The following LRRC56 variants were observed in gnomAD, a reference collection of about 807,000 sequenced individuals.
LRRC56 encodes the protein leucine-rich repeat-containing protein 56.
A neutral mutation model predicts 47.8 loss-of-function variants in LRRC56; 41 were observed. The observed-to-expected ratio is 0.86, with a 90% CI of 0.67 to 1.11. The LOEUF (loss-of-function observed/expected upper bound fraction) is 1.11, where lower values mean the gene tolerates loss of function less well. Ranked by LOEUF, LRRC56 falls within the 50% of genes most tolerant of loss-of-function variation. LRRC56 has a pLI of 0.00. For synonymous variants in LRRC56, 387 were observed against 311.2 expected, an observed-to-expected ratio of 1.24 and a Z score of -2.56; for missense variants, 759 against 704.2, an observed-to-expected ratio of 1.08 and a Z score of -0.88.
chr11:518,976 CGCGGCGCGCTTACGAGGGCGCGCGAG>C, the LRRC56 span, among the ~76,000 whole-genome samples: 3 of 152,020 alleles, frequency 2.0e-5, no homozygotes, highest in African/African-American at 7.2e-5. Flanking sequence ...GGCCCCAAGA[CGCGGCGCGCTTACGAGGGCGCGCGAG>C]GCGCCGCACG....
the LRRC56 span, among the ~76,000 whole-genome samples, chr11:521,225 C>T: frequency 6.6e-6 from 1 of 152,218 alleles, no homozygotes; most frequent in Non-Finnish European, 1.5e-5. Flanking sequence ...TGTCCCCACC[C>T]TAGTCATGAG....
chr11:534,955 G>A (rs930030357), upstream of LRRC56, among the ~76,000 whole-genome samples: 5 of 152,246 alleles, frequency 3.3e-5, no homozygotes, highest in Admixed American at 6.5e-5. Context: ...GGGAAGCAGG[G>A]ACTGAGCGAC....
intron 5 of LRRC56, among the ~76,000 whole-genome samples, chr11:542,679 C>A (rs1041973978): frequency 2.6e-5 from 4 of 151,852 alleles, no homozygotes; most frequent in African/African-American, 9.7e-5. Context: ...TGCTCCCTCC[C>A]GTGCGTGCAC....
At chr11:529,896 C>G in the LRRC56 span, 2 of 152,204 alleles carry the variant, frequency 1.3e-5, no homozygotes, top group African/African-American at 4.8e-5. Context: ...CTGCCACACA[C>G]TGGCCTAGCT....
chr11:524,188 C>T, the LRRC56 span, among the ~76,000 whole-genome samples: 2 of 152,152 alleles, frequency 1.3e-5, no homozygotes, highest in African/African-American at 2.4e-5. Flanking sequence ...CCCAACGTTA[C>T]ACTGACTGTG....
At chr11:552,783 C>G in intron 13 of LRRC56, 81 bp downstream of exon 13, 1 of 1,256,658 alleles carries the variant, frequency 8.0e-7, no homozygotes, top group Admixed American at 2.3e-5. Flanking sequence ...TACCCCAGAT[C>G]AGATGTGTCA....
At chr11:542,583 A>AAAAAAAAAAAAAAAAAAAAAAAAAAAC (rs1564799172) in intron 5 of LRRC56, among the ~76,000 whole-genome samples, 1 of 144,304 alleles carries the variant, frequency 6.9e-6, no homozygotes, top group African/African-American at 2.6e-5. Context: ...CCTGTCGCAA[A>AAAAAAAAAAAAAAAAAAAAAAAAAAAC]AAAAAAAAAA....
the LRRC56 span, among the ~76,000 whole-genome samples, chr11:514,665 T>G: frequency 1.3e-5 from 2 of 151,998 alleles, no homozygotes; most frequent in East Asian, 3.8e-4. Context: ...TGAGGAGTGG[T>G]CAATAAAGTA....
At chr11:511,276 G>A in the LRRC56 span, among the ~76,000 whole-genome samples, 29 of 147,368 alleles carry the variant, frequency 2.0e-4, no homozygotes, top group East Asian at 1.6e-3. Context: ...AGCCAAGATC[G>A]CGCCACTGCA....
chr11:511,308 T>G, the LRRC56 span, among the ~76,000 whole-genome samples: 29 of 137,252 alleles, frequency 2.1e-4, no homozygotes, highest in Non-Finnish European at 3.1e-4. Context: ...GCGACAGAGC[T>G]AGACTCCGTC....
chr11:553,962 G>A lies in LRRC56; in HGVS notation c.1316-1G>A. Reference sequence around the variant, plus strand: ...GTCCCATCACTCTGCTTGCTTTCTAGAGCCCTCCGGGACCTCGAGCCAGCA... The same window carrying A: ...GTCCCATCACTCTGCTTGCTTTCTAAAGCCCTCCGGGACCTCGAGCCAGCA... On this transcript the variant is annotated splice_acceptor_variant, in intron 13 of 13. Coordinates refer to ENST00000270115, the MANE Select transcript of LRRC56 (RefSeq NM_198075.4). LOFTEE classifies it high-confidence loss of function. 1 of 1,610,098 alleles carries A rather than the reference G, an allele frequency of 6.2e-7. No homozygotes were observed. The highest frequency in any genetic ancestry group is 1.1e-5 in the South Asian group (1 of 90,912).
chr11:535,547 G>A (rs1258454191), upstream of LRRC56: 2 of 148,408 alleles, frequency 1.3e-5, no homozygotes, highest in Non-Finnish European at 1.5e-5. Context: ...GCGGGCGCAG[G>A]GCACGGGCGG....
chr11:545,327 G>T (rs1852014536), intron 6 of LRRC56, among the ~76,000 whole-genome samples: 1 of 152,244 alleles, frequency 6.6e-6, no homozygotes, highest in Admixed American at 6.5e-5. Context: ...ACCAAGGACT[G>T]GGGGCCTTCT....
At chr11:533,145 C>T (rs1452451463), upstream of LRRC56, 16 of 827,296 alleles carry the variant, frequency 1.9e-5, no homozygotes, top group East Asian at 1.3e-4. Context: ...GTCACCGCTC[C>T]GGCCTGGCTC....
chr11:546,872 G>A (rs552975583), intron 6 of LRRC56, among the ~76,000 whole-genome samples: 83 of 151,838 alleles, frequency 5.5e-4, no homozygotes, highest in Non-Finnish European at 1.1e-3. Flanking sequence ...CTAACGTGGT[G>A]AAAACCCATC....
the LRRC56 span, among the ~76,000 whole-genome samples, chr11:525,813 T>C: frequency 1.3e-5 from 2 of 151,844 alleles, no homozygotes; most frequent in African/African-American, 4.8e-5. Context: ...AGCAGAAGGA[T>C]CACTTAAGCC....
chr11:552,618 C>A lies in LRRC56; in HGVS notation c.1231C>A (p.Pro411Thr). The A allele has an allele frequency of 6.2e-7, 1 of 1,610,352 alleles. No homozygotes were observed. The highest frequency in any genetic ancestry group is 8.5e-7 in the Non-Finnish European group (1 of 1,178,580). ...PESQQEGAVA[P>T]WGPRRVPEEQ... is the part of the protein sequence containing the mutation. ...GTCCCAACAGGAAGGGGCTGTAGCC[C>A]CCTGGGGCCCACGGAGGGTCCCTGA... Residue 411 changes from proline (P) to threonine (T), a missense_variant, in exon 13 of 14, where the codon CCC (proline) becomes ACC (threonine). Physicochemically the swap from Pro to Thr is conservative, Grantham distance 38 (BLOSUM62 -1). Coordinates refer to ENST00000270115, the MANE Select transcript of LRRC56 (RefSeq NM_198075.4).
chr11:554,571 C>G lies in LRRC56; in HGVS notation c.*295C>G. ...GGCACGGGGGTGGGGGGTGGTCACC[C>G]GAGCAGGCCTGTGAGAGGCCTCTCC... On this transcript the variant is annotated 3_prime_UTR_variant, in exon 14 of 14. Coordinates refer to ENST00000270115, the MANE Select transcript of LRRC56 (RefSeq NM_198075.4). The G allele has an allele frequency of 4.8e-6, 2 of 413,906 alleles. No individual in the cohort carries two copies. The highest frequency in any genetic ancestry group is 8.6e-6 in the Non-Finnish European group (2 of 233,648). The allele number at this position is 413,906 out of a possible 1,614,324, so 25.6% of individuals were successfully genotyped here.
intron 5 of LRRC56, among the ~76,000 whole-genome samples, chr11:542,580 C>CAAAAAAA (rs71022928): frequency 1.5e-4 from 4 of 25,996 alleles, no homozygotes; most frequent in African/African-American, 6.4e-4. Context: ...AACCCTGTCG[C>CAAAAAAA]AAAAAAAAAA....
Sources: gnomAD v4.1 joint callset for allele counts (sites outside exome capture counted in the v4.1 genomes callset) on GRCh38, gnomAD v4.1.1 for gene constraint, MANE v1.5 for transcripts, NCBI Gene and HGNC (gene_info 2026-07-23, HGNC 2026-07-21) for gene names.